The following B4GALNT4 variants were observed in gnomAD, a reference collection of about 807,000 sequenced individuals.
B4GALNT4 encodes the protein beta-1,4-N-acetyl-galactosaminyltransferase 4, also known as N-acetyl-beta-glucosaminyl-glycoprotein 4-beta-N-acetylgalactosaminyltransferase 1.
In B4GALNT4, 77 loss-of-function variants were observed where a neutral mutation model predicts 110.0. That is an observed-to-expected ratio of 0.70 (90% CI 0.58 to 0.85). B4GALNT4 has a LOEUF of 0.85. B4GALNT4 is among the 40% of genes least tolerant of loss of function. B4GALNT4 has a pLI of 0.00. For missense variants in B4GALNT4, 1,575 were observed against 1,506.0 expected (o/e 1.05, Z -0.76); for synonymous variants, 785 against 655.5 (o/e 1.20, Z -3.02).
chr11:378,930 C>T (rs1309844443), intron 14 of B4GALNT4, among the ~76,000 whole-genome samples: 1 of 152,064 alleles, frequency 6.6e-6, no homozygotes, highest in Non-Finnish European at 1.5e-5. Flanking sequence ...AGGCAGGGGA[C>T]TCCTCAGGAC....
At chr11:372,810 G>T in intron 3 of B4GALNT4, 42 bp from the exon 4 acceptor site, 2 of 1,528,428 alleles carry the variant, frequency 1.3e-6, no homozygotes, top group South Asian at 2.4e-5. Flanking sequence ...TGGGGCGGGG[G>T]GGCGGCGGGC....
chr11:370,587 G>A (rs1036590028), intron 1 of B4GALNT4, among the ~76,000 whole-genome samples: 2 of 152,210 alleles, frequency 1.3e-5, no homozygotes, highest in Admixed American at 1.3e-4. Flanking sequence ...GCCAGCCGGG[G>A]TAGGGCCTCC....
intron 14 of B4GALNT4, 91 bp downstream of exon 14, chr11:377,418 C>T: frequency 7.4e-7 from 1 of 1,342,780 alleles, no homozygotes. Flanking sequence ...CTCCTCAGAC[C>T]TTCCCCAGGG....
At position 369,691 on chromosome 11, in the gene B4GALNT4, G is replaced by T. The variant is rs1288777824; in HGVS notation, c.-113G>T. Reference sequence around the variant, plus strand: ...CACGGCGGACAAAGGACCATGCGGGGCCGCGGGCGCTGAGCGCGGCGGGGC... The same window carrying T: ...CACGGCGGACAAAGGACCATGCGGGTCCGCGGGCGCTGAGCGCGGCGGGGC... On this transcript the variant is annotated 5_prime_UTR_variant, in exon 1 of 20. Transcript: ENST00000329962. 7 of 488,088 alleles carry T rather than the reference G, an allele frequency of 1.4e-5. No homozygotes were observed. Among genetic ancestry groups the T allele is most frequent in the Non-Finnish European group, 1.8e-5 (7 of 379,330 alleles). The allele number at this position is 488,088 out of a possible 1,614,324, so 30.2% of individuals were successfully genotyped here.
chr11:372,800 TGGGGCGGG>T, intron 3 of B4GALNT4, 44 bp from the exon 4 acceptor site: 2 of 84,722 alleles, frequency 2.4e-5, no homozygotes, highest in Non-Finnish European at 3.4e-5. Flanking sequence ...GGGCGGGGGC[TGGGGCGGG>T]GGGGCGGCGG....
At position 372,685 on chromosome 11, in the gene B4GALNT4, G is replaced by A; in HGVS notation, c.279G>A (p.Met93Ile). The A allele has an allele frequency of 6.2e-7, 1 of 1,612,068 alleles. No homozygotes were observed. The highest frequency in any genetic ancestry group is 1.1e-5 in the South Asian group (1 of 90,866). ...AGCCCGAAGGTCGGGACCTAGACAT[G>A]CTGTTTCCTGGGGGGGCTGGGAGGC... Reference protein sequence around the residue: ...EQAPEGRDLDMLFPGGAGRLP... With the variant: ...EQAPEGRDLDILFPGGAGRLP... The change falls in exon 3 of 20, where the codon ATG becomes ATA. Residue 93 changes from methionine to isoleucine, a missense_variant. Transcript: ENST00000329962.
chr11:373,886 A>G, intron 8 of B4GALNT4, 58 bp downstream of exon 8: 2 of 1,551,114 alleles, frequency 1.3e-6, no homozygotes, highest in Non-Finnish European at 1.8e-6. Flanking sequence ...ACCTCCCTGC[A>G]GGACAACCGC....
chr11:373,979 G>T, intron 8 of B4GALNT4, 151 bp downstream of exon 8: 1 of 726,474 alleles, frequency 1.4e-6, no homozygotes, highest in Non-Finnish European at 2.3e-6. Flanking sequence ...CTGCCCTCCT[G>T]GGGGGCTCGG....
In B4GALNT4 at chr11:373,516, G is replaced by A. The variant is rs199586034; in HGVS notation, c.704G>A (p.Arg235Gln). The A allele has an allele frequency of 1.9e-5, 31 of 1,606,982 alleles. No individual in the cohort carries two copies. The East Asian group carries it at 2.5e-4, about 13-fold the overall frequency. The change falls in exon 7 of 20, where the codon CGG becomes CAG. Residue 235 changes from arginine to glutamine, a missense_variant and splice_region_variant. Transcript: ENST00000329962. The stretch of plus-strand genomic sequence containing the variant: ...AGCTCCCAGGTGTCCAAGCCCAGGC[G>A]GTGAGTGACTGTGGGGTGCATGTGC... ...KFSSQVSKPR[R>Q]LMASRRYYFE...
chr11:371,981 TGA>T (rs1253963084), intron 1 of B4GALNT4, 126 bp from the exon 2 acceptor site: 9 of 684,966 alleles, frequency 1.3e-5, no homozygotes, highest in Admixed American at 2.8e-5. Context: ...GAGGCTTTAG[TGA>T]GAGACACCAC....
chr11:381,810 C>G lies in B4GALNT4; in HGVS notation c.*18C>G. The G allele has an allele frequency of 6.4e-7, 1 of 1,564,766 alleles. No homozygotes were observed. The highest frequency in any genetic ancestry group is 8.6e-7 in the Non-Finnish European group (1 of 1,160,464). ...CGTCTTGAGGACGGGCAGCCCCTCC[C>G]AGCCCCGGTGGGAGTCCCGAGGCAG... On this transcript the variant is annotated 3_prime_UTR_variant, in exon 20 of 20. Transcript: ENST00000329962.
intron 6 of B4GALNT4, 31 bp from the exon 7 acceptor site, chr11:373,418 C>CTG: frequency 7.9e-7 from 1 of 1,269,786 alleles, no homozygotes; most frequent in Non-Finnish European, 1.1e-6. Context: ...ACCCCCCCCC[C>CTG]CACCACCACC....
In B4GALNT4 at chr11:375,933, G is replaced by A. The variant is rs145647906; in HGVS notation, c.1072G>A (p.Ala358Thr). The A allele has an allele frequency of 6.2e-6, 10 of 1,611,914 alleles. No individual in the cohort carries two copies. The highest frequency in any genetic ancestry group is 8.5e-6 in the Non-Finnish European group (10 of 1,179,558). Residue 358 changes from alanine (A) to threonine (T), a missense_variant, in exon 11 of 20, where the codon GCC (alanine) becomes ACC (threonine). Physicochemically the swap from Ala to Thr is moderately conservative, Grantham distance 58. Transcript: ENST00000329962. ...PTYVVKDFPI[A>T]RYQGLQFVYL... is the part of the protein sequence containing the mutation. ...CTACGTGGTCAAGGACTTCCCGATC[G>A]CCAGATACCAGGGCCTGCAATTTGT...
chr11:378,862 GA>G (rs1379382935), intron 14 of B4GALNT4, among the ~76,000 whole-genome samples: 1 of 152,164 alleles, frequency 6.6e-6, no homozygotes, highest in Non-Finnish European at 1.5e-5. Flanking sequence ...GGGCTTCTCA[GA>G]AGAGGTGACC....
In B4GALNT4 at chr11:379,426, C is replaced by CGCTTCTGCGCATCGT; in HGVS notation, c.2215_2229dup (p.Leu739_Val743dup). The CGCTTCTGCGCATCGT allele has an allele frequency of 6.6e-7, 1 of 1,520,152 alleles. No individual in the cohort carries two copies. Among genetic ancestry groups the CGCTTCTGCGCATCGT allele is most frequent in the Non-Finnish European group, 8.8e-7 (1 of 1,142,484 alleles). The allele number at this position is 1,520,152 out of a possible 1,614,324, so 94.2% of individuals were successfully genotyped here. A position where few individuals can be genotyped will look rare whatever the true frequency, so the allele number is the denominator to read the frequency against. ...ACCGCTGAGCCTTGCAGGCGCTTCG[C>CGCTTCTGCGCATCGT]GCTTCTGCGCATCGTGAACGTGGAG... On this transcript the variant is annotated inframe_insertion, in exon 15 of 20. Coordinates refer to ENST00000329962, the MANE Select transcript of B4GALNT4 (RefSeq NM_178537.5).
rs770737105 is a variant in B4GALNT4, at chr11:375,699, TG to T, written c.918del (p.Arg307ValfsTer100). On this transcript the variant is annotated frameshift_variant, in exon 10 of 20. Transcript: ENST00000329962. LOFTEE classifies it high-confidence loss of function. Reference sequence around the variant, plus strand: ...GTCCCCCAGTCTCCAGCCAGCCACGTGGGGGGGCGTCCGCCGCAGGAGGAGA... The same window carrying T: ...GTCCCCCAGTCTCCAGCCAGCCACGTGGGGGGCGTCCGCCGCAGGAGGAGA... ...AHVPQSPASH[V>X]GGRPPQEETS... is the part of the protein sequence containing the mutation. The T allele has an allele frequency of 3.8e-6, 6 of 1,593,702 alleles. No individual in the cohort carries two copies. Among genetic ancestry groups the T allele is most frequent in the Non-Finnish European group, 3.4e-6 (4 of 1,174,608 alleles).
At chr11:376,386 C>T (rs1564870488) in intron 13 of B4GALNT4, 35 bp downstream of exon 13, 2 of 1,603,442 alleles carry the variant, frequency 1.2e-6, no homozygotes, top group Middle Eastern at 1.7e-4. Context: ...CCGCACCCAC[C>T]TGCGCAGGGA....
At chr11:371,548 C>T (rs1233180037) in intron 1 of B4GALNT4, among the ~76,000 whole-genome samples, 1 of 152,228 alleles carries the variant, frequency 6.6e-6, no homozygotes, top group Non-Finnish European at 1.5e-5. Flanking sequence ...AATCCAGGGC[C>T]ACCCTCTGCT....
At chr11:370,373 C>T (rs1190411115) in intron 1 of B4GALNT4, among the ~76,000 whole-genome samples, 1 of 152,144 alleles carries the variant, frequency 6.6e-6, no homozygotes, top group African/African-American at 2.4e-5. Flanking sequence ...CTTAGCAGGG[C>T]CTCAGTTTCC....
Sources: gnomAD v4.1 joint callset for allele counts (sites outside exome capture counted in the v4.1 genomes callset) on GRCh38, gnomAD v4.1.1 for gene constraint, MANE v1.5 for transcripts, NCBI Gene and HGNC (gene_info 2026-07-23, HGNC 2026-07-21) for gene names.